The following DACH2 variants were observed in gnomAD, a reference collection of about 807,000 sequenced individuals.
DACH2 encodes the protein dachshund family transcription factor 2.
DACH2 carries 17 observed loss-of-function variants against 35.8 expected under a neutral mutation model. The ratio of observed to expected loss-of-function variants is 0.48; its 90% CI spans 0.33 to 0.71. The LOEUF (loss-of-function observed/expected upper bound fraction) is 0.71. Ranked by LOEUF, DACH2 falls within the 30% of genes least tolerant of loss-of-function variation. The pLI is 0.02. For synonymous variants in DACH2, 195 were observed against 177.3 expected (o/e 1.10, Z -0.79); for missense variants, 469 against 472.7 (o/e 0.99, Z 0.07).
intron 4 of DACH2, among the ~76,000 whole-genome samples, chrX:86,669,814 T>G (rs1056434936): frequency 9.0e-6 from 1 of 111,398 alleles, no homozygotes. Flanking sequence ...GGTTCATGAC[T>G]CTGCTCACAC....
intron 2 of DACH2, among the ~76,000 whole-genome samples, chrX:86,502,644 A>C (rs2038267978): frequency 8.9e-6 from 1 of 111,925 alleles, no homozygotes; most frequent in Non-Finnish European, 1.9e-5. Context: ...CCTTCAGGGA[A>C]TGTTATTTAA....
At chrX:86,336,662 T>C (rs1176119580) in intron 1 of DACH2, among the ~76,000 whole-genome samples, 2 of 111,130 alleles carry the variant, frequency 1.8e-5, no homozygotes, top group African/African-American at 3.3e-5. Flanking sequence ...CCAGAATGCC[T>C]CTTCTCCTCC....
intron 1 of DACH2, among the ~76,000 whole-genome samples, chrX:86,201,407 A>T (rs905584806): frequency 1.8e-5 from 2 of 110,802 alleles, no homozygotes; most frequent in African/African-American, 6.6e-5. Context: ...TACCTATATG[A>T]CAATCATGCA....
intron 4 of DACH2, among the ~76,000 whole-genome samples, chrX:86,661,987 C>A (rs917489405): frequency 3.6e-5 from 4 of 111,948 alleles, no homozygotes; most frequent in Middle Eastern, 4.7e-3. Flanking sequence ...AAGATTGTGA[C>A]TTTAAAGAAA....
At chrX:86,680,938 G>A (rs1280855778) in intron 4 of DACH2, among the ~76,000 whole-genome samples, 2 of 110,809 alleles carry the variant, frequency 1.8e-5, no homozygotes, top group Middle Eastern at 4.7e-3. Flanking sequence ...GTCAGTCCTT[G>A]CATCCAGCTG....
intron 3 of DACH2, among the ~76,000 whole-genome samples, chrX:86,597,060 G>A (rs763876517): frequency 9.0e-6 from 1 of 111,417 alleles, no homozygotes; most frequent in East Asian, 2.8e-4. Context: ...TTTGAAATTG[G>A]GAAGTTTGAG....
At chrX:86,362,219 TG>T (rs943319316) in intron 1 of DACH2, among the ~76,000 whole-genome samples, 8 of 111,264 alleles carry the variant, frequency 7.2e-5, no homozygotes, top group African/African-American at 2.6e-4. Flanking sequence ...ACAGTTATTA[TG>T]GACCAGGATG....
chrX:86,748,693 G>T (rs2041739763), intron 7 of DACH2, among the ~76,000 whole-genome samples: 1 of 111,422 alleles, frequency 9.0e-6, no homozygotes, highest in African/African-American at 3.3e-5. Flanking sequence ...TTTTTGTAAT[G>T]GAAAATGTGC....
rs200104126 is a variant in DACH2 at position 86,464,686 on chromosome X, TA to T, written c.528-49584del. Among the ~76,000 whole-genome samples, 154 of 106,801 alleles carry T rather than the reference TA, an allele frequency of 1.4e-3. 1 individual carries two copies. The highest frequency in any genetic ancestry group is 6.2e-3 in the East Asian group (21 of 3,403). The allele number at this position is 106,801 out of a possible 115,157, so 92.7% of individuals were successfully genotyped here. On this transcript the variant is annotated intron_variant, in intron 2 of 11. Coordinates refer to ENST00000373125, the MANE Select transcript of DACH2 (RefSeq NM_053281.3). ...ATGTATCCCATAACTTAAAGTAAAA[TA>T]AAAAAAAATAAAAAATAAATATTCA...
chrX:86,698,410 T>A (rs1476678527), intron 5 of DACH2, among the ~76,000 whole-genome samples: 1 of 108,660 alleles, frequency 9.2e-6, no homozygotes, highest in Non-Finnish European at 1.9e-5. Context: ...AAAAGAAAAT[T>A]GTATACTTTG....
intron 1 of DACH2, among the ~76,000 whole-genome samples, chrX:86,214,157 T>A (rs1307317845): frequency 9.0e-6 from 1 of 111,491 alleles, no homozygotes; most frequent in Non-Finnish European, 1.9e-5. Context: ...AGTGTTTCAG[T>A]TTCTTCTTCT....
At chrX:86,795,245 T>TG (rs2042223866) in intron 7 of DACH2, among the ~76,000 whole-genome samples, 1 of 105,901 alleles carries the variant, frequency 9.4e-6, no homozygotes, top group Non-Finnish European at 2.0e-5. Context: ...TTTTTTTTTT[T>TG]TTTTTGAGAC....
chrX:86,412,620 G>C (rs2036633155), intron 2 of DACH2, among the ~76,000 whole-genome samples: 1 of 111,832 alleles, frequency 8.9e-6, no homozygotes, highest in African/African-American at 3.3e-5. Context: ...TGCTGTGTGG[G>C]ATACCATGAT....
intron 2 of DACH2, among the ~76,000 whole-genome samples, chrX:86,393,994 T>C (rs1349536399): frequency 5.5e-5 from 6 of 108,882 alleles, no homozygotes; most frequent in Non-Finnish European, 9.5e-5. Flanking sequence ...GTCTTTTTTT[T>C]CCTTTGTCTC....
chrX:86,416,793 C>T (rs1362279984), intron 2 of DACH2, among the ~76,000 whole-genome samples: 4 of 110,043 alleles, frequency 3.6e-5, no homozygotes, highest in South Asian at 7.9e-4. Flanking sequence ...TTGCCAGGGA[C>T]GTTTTAACAG....
intron 5 of DACH2, among the ~76,000 whole-genome samples, chrX:86,698,519 G>GTTT (rs1378300889): frequency 8.4e-4 from 27 of 32,077 alleles, no homozygotes; most frequent in East Asian, 1.4e-3. Flanking sequence ...TGTTAGTTTT[G>GTTT]TGTTTTTTTT....
At chrX:86,824,157 G>A (rs2042540361) in intron 11 of DACH2, among the ~76,000 whole-genome samples, 1 of 110,685 alleles carries the variant, frequency 9.0e-6, no homozygotes, top group Non-Finnish European at 1.9e-5. Context: ...GTGTATTTGA[G>A]TCCTTATCTC....
intron 3 of DACH2, among the ~76,000 whole-genome samples, chrX:86,566,100 A>G (rs760127047): frequency 8.2e-4 from 92 of 112,175 alleles, no homozygotes; most frequent in African/African-American, 2.8e-3. Flanking sequence ...ACACTAAACT[A>G]AACAATTTGC....
In DACH2 at chrX:86,797,729, A is replaced by T. The variant is rs183303914; in HGVS notation, c.1241-15127A>T. On this transcript the variant is annotated intron_variant, in intron 7 of 11. Transcript: ENST00000373125. ...TTTTAACCTGTAGATATAAAACAGC[A>T]ACTTCAAATATTCAGAAGGGTGTCA... Among the ~76,000 whole-genome samples the T allele has an allele frequency of 1.6e-3, 177 of 112,169 alleles. 1 individual carries two copies. The highest frequency in any genetic ancestry group is 5.6e-3 in the African/African-American group (172 of 30,955).
Sources: allele counts gnomAD v4.1 joint callset (sites outside exome capture counted in the v4.1 genomes callset), GRCh38; gene constraint gnomAD v4.1.1; transcripts MANE v1.5; gene names NCBI Gene and HGNC (gene_info 2026-07-23, HGNC 2026-07-21).